The following ARHGEF10L variants were observed in gnomAD, a reference collection of about 807,000 sequenced individuals.
ARHGEF10L encodes Rho guanine nucleotide exchange factor 10 like, also known as rho guanine nucleotide exchange factor 10-like protein.
In ARHGEF10L, 69 loss-of-function variants were observed where a neutral mutation model predicts 141.2. The observed-to-expected ratio is 0.49, with a 90% CI of 0.40 to 0.60. The LOEUF (loss-of-function observed/expected upper bound fraction) is 0.60, where lower values mean the gene tolerates loss of function less well. ARHGEF10L is among the 20% of genes least tolerant of loss of function. The pLI is 0.00. For synonymous variants in ARHGEF10L, 711 were observed against 718.5 expected (o/e 0.99, Z 0.17); for missense variants, 1,482 against 1,734.3 (o/e 0.85, Z 2.58).
rs184393543 is a variant in ARHGEF10L, at chr1:17,639,907, C to T, written c.2172-295C>T. On this transcript the variant is annotated intron_variant, in intron 20 of 28. Transcript: ENST00000361221. This position sits in a 1 kb window ranked among gnomAD's most constrained non-coding sequence, Gnocchi z 4.3. Reference sequence around the variant, plus strand: ...GCTGACCAGGTGGAGTCACAGCCTGCAGAGGCTCTGCCGGGCACAAAGCCA... The same window carrying T: ...GCTGACCAGGTGGAGTCACAGCCTGTAGAGGCTCTGCCGGGCACAAAGCCA... 4.2e-6 allele frequency: 6 copies of T among 1,441,948 alleles called. No homozygotes were observed. The highest frequency in any genetic ancestry group is 5.5e-6 in the Non-Finnish European group (6 of 1,086,924). The allele number at this position is 1,441,948 out of a possible 1,614,324, so 89.3% of individuals were successfully genotyped here.
rs1331029160 is a variant in ARHGEF10L, at chr1:17,623,012, T to C, written c.1037T>C (p.Leu346Pro). The C allele has an allele frequency of 6.2e-7, 1 of 1,613,160 alleles. No individual in the cohort carries two copies. The highest frequency in any genetic ancestry group is 1.3e-5 in the African/African-American group (1 of 74,890). The change falls in exon 12 of 29, where the codon CTG becomes CCG. Residue 346 changes from leucine to proline, a missense_variant. Leu to Pro is a moderately conservative substitution (Grantham distance 98). Transcript: ENST00000361221. The surrounding 1 kb of genome is among the most constrained non-coding windows in gnomAD (Gnocchi z 4.7). ...CCCCGGCAGGACTACCGCAACCCCC[T>C]GATGGAGATGGAGCCCAAGGCGCTG... Reference protein sequence around the residue: ...KRILQDYRNPLMEMEPKALSA... With the variant: ...KRILQDYRNPPMEMEPKALSA...
the ARHGEF10L span, among the ~76,000 whole-genome samples, chr1:17,524,665 T>C: frequency 2.0e-5 from 3 of 152,180 alleles, no homozygotes; most frequent in African/African-American, 7.2e-5. Context: ...CTCAGGGACA[T>C]GAACTCACTC....
At chr1:17,563,150 G>A (rs1238667848) in intron 1 of ARHGEF10L, among the ~76,000 whole-genome samples, 3 of 152,090 alleles carry the variant, frequency 2.0e-5, no homozygotes, top group Non-Finnish European at 2.9e-5. Flanking sequence ...TCAGTGATTC[G>A]GGCTTAGAGT....
intron 27 of ARHGEF10L, among the ~76,000 whole-genome samples, chr1:17,688,695 G>T (rs1214988393): frequency 1.3e-5 from 2 of 152,328 alleles, no homozygotes; most frequent in Middle Eastern, 3.4e-3. Context: ...CATGGCAGAG[G>T]CTGGGAGTGG....
At position 17,621,719 on chromosome 1, in the gene ARHGEF10L, A is replaced by G. The variant is rs907520564; in HGVS notation, c.943-145A>G. The G allele has an allele frequency of 4.2e-6, 3 of 707,614 alleles. No individual in the cohort carries two copies. Among genetic ancestry groups the G allele is most frequent in the African/African-American group, 1.8e-5 (1 of 56,622 alleles). 43.8% of individuals were successfully genotyped at this position (707,614 alleles called of 1,614,324 possible). A position where few individuals can be genotyped will look rare whatever the true frequency, so the allele number is the denominator to read the frequency against. ...AGGGTTGGCAGGGGCTCTGGAAGGA[A>G]GAGTGGCCACCAGGCCCAGTGGTCC... On this transcript the variant is annotated intron_variant, in intron 10 of 28. Coordinates refer to ENST00000361221, the MANE Select transcript of ARHGEF10L (RefSeq NM_018125.4). This position sits in a 1 kb window ranked among gnomAD's most constrained non-coding sequence, Gnocchi z 4.1.
At chr1:17,610,133 T>C (rs2059469018) in intron 7 of ARHGEF10L, among the ~76,000 whole-genome samples, 1 of 152,176 alleles carries the variant, frequency 6.6e-6, no homozygotes, top group Non-Finnish European at 1.5e-5. Flanking sequence ...CCAGCGGTGG[T>C]CCCCATGCTT....
At position 17,648,658 on chromosome 1, in the gene ARHGEF10L, C is replaced by T. The variant is rs746214823; in HGVS notation, c.2377C>T (p.Arg793Trp). 25 of 1,612,716 alleles carry T rather than the reference C, an allele frequency of 1.6e-5. No individual in the cohort carries two copies. Among genetic ancestry groups the T allele is most frequent in the Middle Eastern group, 2.0e-4 (1 of 4,888 alleles). Reference protein sequence around the residue: ...LACCIPAFSSRALSLQLGALV... With the variant: ...LACCIPAFSSWALSLQLGALV... ...CTGCTGCATCCCTGCCTTCTCCTCC[C>T]GGGCACTCAGCCTGCAGGTGAGTGG... Residue 793 changes from arginine (R) to tryptophan (W), a missense_variant, in exon 22 of 29, where the codon CGG becomes TGG. Physicochemically the swap from Arg to Trp is moderately radical, Grantham distance 101. Transcript: ENST00000361221.
rs2077434640 is a variant in ARHGEF10L, at chr1:17,558,677, G to T, written c.-44+18727G>T. Among the ~76,000 whole-genome samples, 1 of 152,216 alleles carries T rather than the reference G, an allele frequency of 6.6e-6. No individual in the cohort carries two copies. The stretch of plus-strand genomic sequence containing the variant: ...GACCTTTTCCTCTTTTGACACTCAG[G>T]TTCTCTTTGGTTTTGCAAGTGGTCC... On this transcript the variant is annotated intron_variant, in intron 1 of 28. Transcript: ENST00000361221. This position sits in a 1 kb window ranked among gnomAD's most constrained non-coding sequence, Gnocchi z 4.2.
intron 26 of ARHGEF10L, among the ~76,000 whole-genome samples, chr1:17,671,738 T>C (rs74061928): frequency 0.09 from 13,718 of 152,158 alleles, 1,761 homozygotes; most frequent in African/African-American, 0.28. Flanking sequence ...ACCTCCTACA[T>C]ACACCACAGC....
intron 21 of ARHGEF10L, among the ~76,000 whole-genome samples, chr1:17,648,013 G>A (rs1021041320): frequency 3.9e-5 from 6 of 152,262 alleles, no homozygotes; most frequent in African/African-American, 1.2e-4. Context: ...GGGTTGTCTT[G>A]AAGGAAGCAG....
At chr1:17,668,690 C>T (rs549846960) in intron 26 of ARHGEF10L, among the ~76,000 whole-genome samples, 2 of 152,342 alleles carry the variant, frequency 1.3e-5, no homozygotes, top group Non-Finnish European at 2.9e-5. Flanking sequence ...AGGGAGCACA[C>T]GCCCCCATGT....
At chr1:17,634,458 C>G in intron 16 of ARHGEF10L, 90 bp from the exon 17 acceptor site, 1 of 1,600,064 alleles carries the variant, frequency 6.2e-7, no homozygotes. Flanking sequence ...ATGCCCAGCC[C>G]CATGGCTGGC....
chr1:17,660,695 G>T (rs969985431), intron 25 of ARHGEF10L, among the ~76,000 whole-genome samples: 5 of 152,228 alleles, frequency 3.3e-5, no homozygotes, highest in Non-Finnish European at 5.9e-5. Context: ...CCTCCTGAAG[G>T]TGCCTTTGCT....
Position 17,616,166 on chromosome 1 carries a change from C to T in ARHGEF10L, c.799C>T (p.Arg267Cys), listed in dbSNP as rs767634882. The T allele has an allele frequency of 3.2e-5, 51 of 1,613,496 alleles. 1 individual carries two copies. The highest frequency in any genetic ancestry group is 4.1e-5 in the Non-Finnish European group (48 of 1,179,954). The change falls in exon 9 of 29, where the codon CGC (arginine) becomes TGC (cysteine). Residue 267 changes from arginine to cysteine, a missense_variant. This residue lies in a region of ARHGEF10L where 392 missense variants were observed against 542.1 expected (regional missense o/e 0.72). Transcript: ENST00000361221. ...GGAGAAGACACGGATGGCCGTGATGCGCAAAGTCTCCTTCCTGCACAGGAA... is the reference window on the plus strand; with the variant it reads ...GGAGAAGACACGGATGGCCGTGATGTGCAAAGTCTCCTTCCTGCACAGGAA... ...GLEKTRMAVMRKVSFLHRKDV... is the reference protein window; with the variant it reads ...GLEKTRMAVMCKVSFLHRKDV...
chr1:17,553,574 G>C (rs2077194022), intron 1 of ARHGEF10L, among the ~76,000 whole-genome samples: 1 of 152,026 alleles, frequency 6.6e-6, no homozygotes, highest in Admixed American at 6.5e-5. Context: ...TTGAGCCCTG[G>C]AGTTCAAGAC....
Position 17,627,305 on chromosome 1 carries a change from C to T in ARHGEF10L, c.1411-25C>T. On this transcript the variant is annotated intron_variant, in intron 14 of 28. Transcript: ENST00000361221. The surrounding 1 kb of genome is among the most constrained non-coding windows in gnomAD (Gnocchi z 4.0). The stretch of plus-strand genomic sequence containing the variant: ...GGTAGAGTTGGTCATGGGTGGGCTG[C>T]TCAGTCTCTGCTCTGACCTGGCAGG... 1 of 1,606,658 alleles carries T rather than the reference C, an allele frequency of 6.2e-7. No individual in the cohort carries two copies. Among genetic ancestry groups the T allele is most frequent in the Non-Finnish European group, 8.5e-7 (1 of 1,174,470 alleles).
At chr1:17,533,798 C>T in the ARHGEF10L span, among the ~76,000 whole-genome samples, 43 of 152,224 alleles carry the variant, frequency 2.8e-4, no homozygotes, top group Non-Finnish European at 5.3e-4. Flanking sequence ...TGTAGCAAAA[C>T]GTGACCTAGT....
At chr1:17,694,799 C>T (rs1206612807) in intron 27 of ARHGEF10L, 2 of 409,300 alleles carry the variant, frequency 4.9e-6, no homozygotes, top group African/African-American at 4.1e-5. Flanking sequence ...CTGGCTGGAT[C>T]CCTGCATGGA....
Position 17,558,188 on chromosome 1 carries a change from CCCATCCAT to C in ARHGEF10L, c.-44+18257_-44+18264del, listed in dbSNP as rs765339083. 6.6e-5 allele frequency among the ~76,000 whole-genome samples: 10 copies of C among 151,542 alleles called. No homozygotes were observed. Among genetic ancestry groups the C allele is most frequent in the South Asian group, 2.1e-4 (1 of 4,796 alleles). ...ATCTATGCATCCATCCATCCATCCACCCATCCATCCATCCATCCATCCATCCGCCTGCC... is the reference window on the plus strand; with the variant it reads ...ATCTATGCATCCATCCATCCATCCACCCATCCATCCATCCATCCGCCTGCC... On this transcript the variant is annotated intron_variant, in intron 1 of 28. Transcript: ENST00000361221. The surrounding 1 kb of genome is among the most constrained non-coding windows in gnomAD (Gnocchi z 4.2).
Sources: allele counts gnomAD v4.1 joint callset (sites outside exome capture counted in the v4.1 genomes callset), GRCh38; gene constraint gnomAD v4.1.1; regional missense constraint gnomAD v4.1.1; non-coding constraint Gnocchi (gnomAD v3.1); transcripts MANE v1.5; gene names NCBI Gene and HGNC (gene_info 2026-07-23, HGNC 2026-07-21).